The following ERCC6L2 variants were observed in gnomAD, a reference collection of about 807,000 sequenced individuals.
The protein encoded by ERCC6L2 is ERCC excision repair 6 like 2.
Under a neutral mutation model 132.0 loss-of-function variants are expected in ERCC6L2, and 77 were observed. The observed-to-expected ratio is 0.58, with a 90% CI of 0.49 to 0.71. The LOEUF is 0.71. ERCC6L2 is among the 30% of genes least tolerant of loss of function. The pLI, the probability that ERCC6L2 is intolerant of heterozygous loss-of-function variation, is 0.00. For synonymous variants in ERCC6L2, 583 were observed against 632.4 expected (o/e 0.92, Z 1.17); for missense variants, 1,542 against 1,837.6 (o/e 0.84, Z 2.94).
At chr9:96,034,648 C>G (rs955120537) in intron 19 of ERCC6L2, among the ~76,000 whole-genome samples, 1 of 152,182 alleles carries the variant, frequency 6.6e-6, no homozygotes, top group African/African-American at 2.4e-5. Context: ...GAAGGCACGG[C>G]TGGGGCTGCA....
At chr9:96,021,250 C>A, downstream of ERCC6L2, 1 of 347,468 alleles carries the variant, frequency 2.9e-6, no homozygotes, top group Non-Finnish European at 5.7e-6. This position sits in a 1 kb window ranked among gnomAD's most constrained non-coding sequence, Gnocchi z 4.7. Flanking sequence ...CCGCCCCAAG[C>A]AACCCGTTCC....
intron 18 of ERCC6L2, among the ~76,000 whole-genome samples, chr9:96,006,655 CAG>C (rs1833874298): frequency 1.3e-5 from 2 of 152,094 alleles, no homozygotes; most frequent in Admixed American, 6.5e-5. Context: ...GAGGTGAAAA[CAG>C]AAAGAGGGAG....
intron 3 of ERCC6L2, among the ~76,000 whole-genome samples, chr9:95,901,658 G>C (rs1828785635): frequency 6.6e-6 from 1 of 152,212 alleles, no homozygotes; most frequent in African/African-American, 2.4e-5. Flanking sequence ...AGGTGTGCCA[G>C]TTCTCATCTG....
intron 17 of ERCC6L2, among the ~76,000 whole-genome samples, chr9:95,996,469 T>C (rs968923996): frequency 3.3e-5 from 5 of 152,258 alleles, no homozygotes; most frequent in African/African-American, 4.8e-5. Flanking sequence ...AGATTTTCAA[T>C]GAAGACAAAA....
At position 96,015,678 on chromosome 9, in the gene ERCC6L2, C is replaced by G. The variant is rs992212050; in HGVS notation, c.*2475C>G. On this transcript the variant is annotated 3_prime_UTR_variant, in exon 19 of 19. Coordinates refer to ENST00000653738, the MANE Select transcript of ERCC6L2 (RefSeq NM_020207.7). ...ATTAGCCAGGCGTGGTGGTGGGCGC[C>G]TGTAGTCCCAGCTACTCGGGAGGCT... Among the ~76,000 whole-genome samples the G allele has an allele frequency of 1.3e-5, 2 of 151,166 alleles. No individual in the cohort carries two copies. Among genetic ancestry groups the G allele is most frequent in the Admixed American group, 1.3e-4 (2 of 15,222 alleles).
chr9:95,877,218 G>C (rs1043228104), intron 1 of ERCC6L2: 6 of 152,182 alleles, frequency 3.9e-5, no homozygotes, highest in African/African-American at 1.4e-4. Context: ...AATTTAAGCA[G>C]TTGTTCTGTA....
At position 96,016,422 on chromosome 9, in the gene ERCC6L2, G is replaced by A. The variant is rs563212445; in HGVS notation, c.*3219G>A. 3.3e-5 allele frequency among the ~76,000 whole-genome samples: 5 copies of A among 152,118 alleles called. No homozygotes were observed. Among genetic ancestry groups the A allele is most frequent in the Non-Finnish European group, 7.3e-5 (5 of 68,028 alleles). On this transcript the variant is annotated 3_prime_UTR_variant, in exon 19 of 19. Transcript: ENST00000653738. ...TCTTTTTTACTTAAGCAATGATACCGTTTCTGGCTGAACACTCACCACACA... is the reference window on the plus strand; with the variant it reads ...TCTTTTTTACTTAAGCAATGATACCATTTCTGGCTGAACACTCACCACACA...
chr9:95,957,337 T>A (rs1384651889), intron 13 of ERCC6L2, among the ~76,000 whole-genome samples: 1 of 152,124 alleles, frequency 6.6e-6, no homozygotes, highest in Non-Finnish European at 1.5e-5. Context: ...ATTTTCTTCA[T>A]TCTAAAAATA....
chr9:95,915,274 A>G (rs1395822699), intron 4 of ERCC6L2, among the ~76,000 whole-genome samples: 1 of 152,228 alleles, frequency 6.6e-6, no homozygotes, highest in Non-Finnish European at 1.5e-5. Flanking sequence ...GCTATGGAAT[A>G]CAGCTTTTAA....
intron 12 of ERCC6L2, among the ~76,000 whole-genome samples, chr9:95,953,840 A>G (rs1369031438): frequency 6.6e-6 from 1 of 152,204 alleles, no homozygotes; most frequent in Non-Finnish European, 1.5e-5. Context: ...TGAGGGAAAA[A>G]GTCAAATACA....
intron 11 of ERCC6L2, among the ~76,000 whole-genome samples, chr9:95,932,707 CTT>C (rs528796119): frequency 1.6e-4 from 24 of 152,042 alleles, no homozygotes; most frequent in South Asian, 6.2e-4. Flanking sequence ...AATAATAAAA[CTT>C]ATTTCATCAA....
intron 19 of ERCC6L2, chr9:96,026,097 C>CT (rs1834356960): frequency 6.6e-6 from 1 of 152,374 alleles, no homozygotes; most frequent in African/African-American, 2.4e-5. Context: ...TTGCCTGGCC[C>CT]TGGGGCCTCC....
intron 16 of ERCC6L2, among the ~76,000 whole-genome samples, chr9:95,976,058 C>G (rs1443535214): frequency 6.6e-6 from 1 of 151,914 alleles, no homozygotes; most frequent in African/African-American, 2.4e-5. Flanking sequence ...GAGATTTGAC[C>G]CTGCTGCTTT....
chr9:95,990,317 G>A (rs2133155141), intron 17 of ERCC6L2, among the ~76,000 whole-genome samples: 1 of 152,338 alleles, frequency 6.6e-6, no homozygotes, highest in South Asian at 2.1e-4. Context: ...GGTCAAATTT[G>A]CCAACATGAA....
chr9:96,022,835 C>G (rs919112234), downstream of ERCC6L2, among the ~76,000 whole-genome samples: 2 of 152,198 alleles, frequency 1.3e-5, no homozygotes, highest in Non-Finnish European at 2.9e-5. Flanking sequence ...CGGCGCCCCC[C>G]ACAGCCGCCT....
At chr9:95,928,637 C>T (rs1178970333) in intron 10 of ERCC6L2, 82 bp from the exon 11 acceptor site, 16 of 1,250,336 alleles carry the variant, frequency 1.3e-5, no homozygotes, top group Non-Finnish European at 1.4e-5. Flanking sequence ...ATAATTAATA[C>T]TTAACAAGTC....
At chr9:95,893,182 T>C (rs1192102088) in intron 2 of ERCC6L2, among the ~76,000 whole-genome samples, 1 of 152,220 alleles carries the variant, frequency 6.6e-6, no homozygotes, top group Non-Finnish European at 1.5e-5. Context: ...TCTATTCTCA[T>C]TTTAAGGAAT....
chr9:96,039,071 CA>C, exon 20 of ERCC6L2: 1 of 385,846 alleles, frequency 2.6e-6, no homozygotes, highest in Non-Finnish European at 5.2e-6. Flanking sequence ...CTGACATCTT[CA>C]CTGCAACCTC....
chr9:95,878,531 T>G (rs1827413258), intron 1 of ERCC6L2, among the ~76,000 whole-genome samples: 1 of 151,988 alleles, frequency 6.6e-6, no homozygotes. Context: ...ATACTTTAAG[T>G]TTTAGGGTAC....
Sources: allele counts gnomAD v4.1 joint callset (sites outside exome capture counted in the v4.1 genomes callset), GRCh38; gene constraint gnomAD v4.1.1; non-coding constraint Gnocchi (gnomAD v3.1); transcripts MANE v1.5; gene names NCBI Gene and HGNC (gene_info 2026-07-23, HGNC 2026-07-21).